NRXN3: variants seen among roughly 807,000 people sequenced by gnomAD.
NRXN3 encodes the protein neurexin III.
A neutral mutation model predicts 137.6 loss-of-function variants in NRXN3; 32 were observed. The observed-to-expected ratio is 0.23, with a 90% CI of 0.18 to 0.31. NRXN3 has a LOEUF of 0.31. Among genes scored for constraint, NRXN3 ranks in the 10% least tolerant of loss-of-function variants. The pLI, the probability that NRXN3 is intolerant of heterozygous loss-of-function variation, is 1.00. For synonymous variants in NRXN3, 798 were observed against 784.5 expected, an observed-to-expected ratio of 1.02 and a Z score of -0.29; for missense variants, 1,574 against 2,062.5, an observed-to-expected ratio of 0.76 and a Z score of 4.59.
chr14:78,464,772 A>T (rs1302665620), intron 4 of NRXN3, among the ~76,000 whole-genome samples: 1 of 152,170 alleles, frequency 6.6e-6, no homozygotes, highest in Non-Finnish European at 1.5e-5. Context: ...CAGGATTCTA[A>T]CATACTTTCT....
At chr14:78,546,245 A>G (rs1377585700) in intron 4 of NRXN3, among the ~76,000 whole-genome samples, 1 of 152,190 alleles carries the variant, frequency 6.6e-6, no homozygotes, top group Admixed American at 6.5e-5. Context: ...GCTTTTTTAA[A>G]TTGTGCCAGC....
chr14:78,632,276 G>A (rs1041250684), intron 4 of NRXN3, among the ~76,000 whole-genome samples: 9 of 152,082 alleles, frequency 5.9e-5, no homozygotes, highest in Non-Finnish European at 1.0e-4. Context: ...ATACCTCTAA[G>A]TTTTTGCTGA....
chr14:78,442,979 G>A (rs2153698169), intron 4 of NRXN3, among the ~76,000 whole-genome samples: 1 of 152,278 alleles, frequency 6.6e-6, no homozygotes. Context: ...TTACATTTGA[G>A]GAAATGGACA....
intron 15 of NRXN3, among the ~76,000 whole-genome samples, chr14:79,157,214 A>C (rs1331253627): frequency 2.0e-5 from 3 of 151,812 alleles, no homozygotes; most frequent in Non-Finnish European, 4.4e-5. Context: ...AAGGTATAGC[A>C]GTGAGATATA....
intron 4 of NRXN3, among the ~76,000 whole-genome samples, chr14:78,471,158 G>A (rs2153729234): frequency 6.6e-6 from 1 of 152,190 alleles, no homozygotes; most frequent in Non-Finnish European, 1.5e-5. Context: ...GGAGGTCCTT[G>A]GAAATTCTCA....
Position 79,642,261 on chromosome 14 carries a change from TTCCACTTAGCGA to T in NRXN3, c.3445-21513_3445-21502del, listed in dbSNP as rs1451135024. ...CATGAATGTTTTTATAGAGATTCTGTTCCACTTAGCGATCCTATTGAACCCCTGGCCATGTGG... is the reference window on the plus strand; with the variant it reads ...CATGAATGTTTTTATAGAGATTCTGTTCCTATTGAACCCCTGGCCATGTGG... On this transcript the variant is annotated intron_variant, in intron 16 of 20. Transcript: ENST00000335750. Among the ~76,000 whole-genome samples the T allele has an allele frequency of 2.9e-5, 4 of 135,730 alleles. 1 individual carries two copies. Among genetic ancestry groups the T allele is most frequent in the Admixed American group, 7.8e-5 (1 of 12,836 alleles). 89.0% of individuals were successfully genotyped at this position (135,730 alleles called of 152,430 possible).
intron 15 of NRXN3, among the ~76,000 whole-genome samples, chr14:79,433,967 G>C (rs1600226429): frequency 6.6e-6 from 1 of 152,244 alleles, no homozygotes; most frequent in Non-Finnish European, 1.5e-5. Context: ...AATTTCAGAA[G>C]CTTTGTCCTC....
At chr14:78,257,662 A>T (rs755933787) in intron 2 of NRXN3, among the ~76,000 whole-genome samples, 3 of 152,218 alleles carry the variant, frequency 2.0e-5, no homozygotes, top group Non-Finnish European at 2.9e-5. Flanking sequence ...ATGTGGTTGG[A>T]CCAAAGAATT....
intron 15 of NRXN3, among the ~76,000 whole-genome samples, chr14:79,240,153 C>A (rs994773471): frequency 1.1e-4 from 16 of 152,016 alleles, no homozygotes; most frequent in Non-Finnish European, 1.8e-4. Flanking sequence ...GTGTACCATA[C>A]AAATATATAT....
chr14:79,604,842 G>A (rs2153837132), intron 16 of NRXN3, among the ~76,000 whole-genome samples: 1 of 151,770 alleles, frequency 6.6e-6, no homozygotes, highest in Non-Finnish European at 1.5e-5. Context: ...GACCAGCCTG[G>A]CCAACATGGT....
At chr14:79,126,332 A>G (rs1216502688) in intron 15 of NRXN3, among the ~76,000 whole-genome samples, 1 of 54,334 alleles carries the variant, frequency 1.8e-5, no homozygotes, top group Non-Finnish European at 3.8e-5. Flanking sequence ...CCCCCGCCCC[A>G]CCCCACGACC....
chr14:78,711,018 T>C (rs1047906262), intron 7 of NRXN3, among the ~76,000 whole-genome samples: 3 of 152,174 alleles, frequency 2.0e-5, no homozygotes, highest in Non-Finnish European at 4.4e-5. Context: ...CCCCCCATAC[T>C]TCTTCTTCTT....
rs189258998 is a variant in NRXN3, at chr14:78,858,536, A to G, written c.2275+48192A>G. ...TATTTTTCTTCATTAGGACAGTTAT[A>G]ATGTTGAGACCAAAAAGATGTAAGT... On this transcript the variant is annotated intron_variant, in intron 10 of 20. Coordinates refer to ENST00000335750, the MANE Select transcript of NRXN3 (RefSeq NM_001330195.2). 1.6e-3 allele frequency among the ~76,000 whole-genome samples: 247 copies of G among 152,302 alleles called. 1 individual carries two copies. Among genetic ancestry groups the G allele is most frequent in the Middle Eastern group, 6.8e-3 (2 of 294 alleles).
chr14:78,870,095 A>G (rs1304094684), intron 10 of NRXN3, among the ~76,000 whole-genome samples: 1 of 152,236 alleles, frequency 6.6e-6, no homozygotes, highest in Non-Finnish European at 1.5e-5. Context: ...TTAATCAGGT[A>G]TCAAGAGTAA....
At chr14:78,810,827 G>C (rs574751461) in intron 10 of NRXN3, among the ~76,000 whole-genome samples, 1 of 152,130 alleles carries the variant, frequency 6.6e-6, no homozygotes, top group South Asian at 2.1e-4. Flanking sequence ...TCTAGCAGGT[G>C]GGCAGATCAC....
intron 4 of NRXN3, among the ~76,000 whole-genome samples, chr14:78,356,738 T>C (rs932154497): frequency 1.3e-5 from 2 of 152,262 alleles, no homozygotes; most frequent in African/African-American, 2.4e-5. Context: ...ATAGTAATTA[T>C]GTATTTGTGG....
intron 16 of NRXN3, among the ~76,000 whole-genome samples, chr14:79,646,963 A>G (rs974798901): frequency 7.4e-6 from 1 of 135,614 alleles, no homozygotes; most frequent in African/African-American, 2.5e-5. Context: ...GCAAAGGGAA[A>G]GAGAAGAGAA....
intron 16 of NRXN3, among the ~76,000 whole-genome samples, chr14:79,536,111 G>A (rs141987036): frequency 1.3e-3 from 201 of 152,234 alleles, no homozygotes; most frequent in Non-Finnish European, 2.2e-3. Flanking sequence ...CCCCAGAGGT[G>A]GTTGCCTGAA....
chr14:79,040,628 G>A (rs2099623565), intron 15 of NRXN3, among the ~76,000 whole-genome samples: 1 of 152,130 alleles, frequency 6.6e-6, no homozygotes, highest in Non-Finnish European at 1.5e-5. Flanking sequence ...GAAAGGGTGA[G>A]GTTGGAGTGA....
Sources: gnomAD v4.1 joint callset for allele counts (sites outside exome capture counted in the v4.1 genomes callset) on GRCh38, gnomAD v4.1.1 for gene constraint, MANE v1.5 for transcripts, NCBI Gene and HGNC (gene_info 2026-07-23, HGNC 2026-07-21) for gene names.